FAM20B: variants seen among roughly 807,000 people sequenced by gnomAD.
FAM20B encodes FAM20B glycosaminoglycan xylosylkinase.
Under a neutral mutation model 43.8 loss-of-function variants are expected in FAM20B, and 23 were observed. That is an observed-to-expected ratio of 0.53 (90% CI 0.38 to 0.74). The LOEUF is 0.74. FAM20B is among the 30% of genes least tolerant of loss of function. FAM20B has a pLI of 0.00. For synonymous variants in FAM20B, 178 were observed against 192.4 expected, an observed-to-expected ratio of 0.93 and a Z score of 0.62; for missense variants, 440 against 510.5, an observed-to-expected ratio of 0.86 and a Z score of 1.33.
At chr1:179,045,313 T>C (rs1266328490) in intron 2 of FAM20B, among the ~76,000 whole-genome samples, 1 of 152,242 alleles carries the variant, frequency 6.6e-6, no homozygotes, top group Non-Finnish European at 1.5e-5. Flanking sequence ...TCAAAGTTTG[T>C]AATGTCTGAA....
intron 2 of FAM20B, among the ~76,000 whole-genome samples, chr1:179,046,773 C>T (rs1467727670): frequency 1.3e-5 from 2 of 150,192 alleles, no homozygotes; most frequent in Non-Finnish European, 3.0e-5. Flanking sequence ...GAGGCCGAGG[C>T]GGGCGGATCA....
intron 1 of FAM20B, among the ~76,000 whole-genome samples, chr1:179,032,451 G>C (rs148065214): frequency 6.6e-6 from 1 of 151,312 alleles, no homozygotes; most frequent in African/African-American, 2.4e-5. Context: ...AACCCTGTGA[G>C]TTAGGTAATA....
chr1:179,065,824 T>G (rs1412481249), intron 6 of FAM20B, among the ~76,000 whole-genome samples: 1 of 152,206 alleles, frequency 6.6e-6, no homozygotes, highest in Middle Eastern at 3.2e-3. Context: ...GCATCAGAAA[T>G]GTATTGCTTA....
chr1:179,027,433 C>A (rs1259473570), intron 1 of FAM20B, among the ~76,000 whole-genome samples: 1 of 152,166 alleles, frequency 6.6e-6, no homozygotes, highest in African/African-American at 2.4e-5. Context: ...GGTAAAGATG[C>A]TAAATTATTT....
chr1:179,040,614 G>T (rs1441640008), intron 1 of FAM20B, among the ~76,000 whole-genome samples: 1 of 139,882 alleles, frequency 7.1e-6, no homozygotes, highest in East Asian at 2.1e-4. Context: ...AGGGGCGGCC[G>T]GGCAGAGGCG....
At position 179,064,340 on chromosome 1, in the gene FAM20B, A is replaced by G; in HGVS notation, c.782A>G (p.Lys261Arg). ...GATGAGAGCTACTGTGATGCTGTGA[A>G]GAAAACGTCCCCTTATGACTCTGGC... ...EYDESYCDAV[K>R]KTSPYDSGPR... is the part of the protein sequence containing the mutation. The change falls in exon 6 of 8, where the codon AAG becomes AGG. Residue 261 changes from lysine (K) to arginine (R), a missense_variant. Transcript: ENST00000263733. 1 of 1,613,176 alleles carries G rather than the reference A, an allele frequency of 6.2e-7. No homozygotes were observed. The highest frequency in any genetic ancestry group is 8.5e-7 in the Non-Finnish European group (1 of 1,179,324).
intron 4 of FAM20B, among the ~76,000 whole-genome samples, chr1:179,059,907 G>A (rs1204507963): frequency 2.0e-5 from 3 of 151,782 alleles, no homozygotes; most frequent in African/African-American, 4.8e-5. Context: ...GGGAAGTGGA[G>A]GTTGCAGTGA....
At chr1:179,047,519 C>G (rs947982728) in intron 2 of FAM20B, among the ~76,000 whole-genome samples, 1 of 152,074 alleles carries the variant, frequency 6.6e-6, no homozygotes, top group African/African-American at 2.4e-5. Context: ...CCCGCATCAT[C>G]TCCTAAACAG....
chr1:179,075,532 G>A lies in FAM20B; in HGVS notation c.*3388G>A, dbSNP rs1295182469. The A allele has an allele frequency of 1.3e-5, 2 of 152,558 alleles. No individual in the cohort carries two copies. The highest frequency in any genetic ancestry group is 2.1e-4 in the South Asian group (1 of 4,826). The allele number at this position is 152,558 out of a possible 1,614,324, so 9.5% of individuals were successfully genotyped here. A position where few individuals can be genotyped will look rare whatever the true frequency, so the allele number is the denominator to read the frequency against. ...TTGGGGGAAATGTAAATAATTTTCTGTGTAAAACAAATTCATAGGATCTGA... is the reference window on the plus strand; with the variant it reads ...TTGGGGGAAATGTAAATAATTTTCTATGTAAAACAAATTCATAGGATCTGA... On this transcript the variant is annotated 3_prime_UTR_variant, in exon 8 of 8. Coordinates refer to ENST00000263733, the MANE Select transcript of FAM20B (RefSeq NM_014864.4).
At chr1:179,036,763 A>C (rs764937801) in intron 1 of FAM20B, among the ~76,000 whole-genome samples, 1 of 152,220 alleles carries the variant, frequency 6.6e-6, no homozygotes, top group Non-Finnish European at 1.5e-5. Flanking sequence ...AACCATATGC[A>C]ATAAGGTATT....
Position 179,072,133 on chromosome 1 carries a change from T to C in FAM20B, c.1219T>C (p.Ser407Pro). Residue 407 changes from serine (S) to proline (P), a missense_variant, in exon 8 of 8, where the codon TCA becomes CCA. Ser to Pro is a moderately conservative substitution (Grantham distance 74). Coordinates refer to ENST00000263733, the MANE Select transcript of FAM20B (RefSeq NM_014864.4). ...ACTGGTGGAAGACAGGATGCCTCTC[T>C]CACACTTGTAATTCTCGACACAAAA... ...TVLVEDRMPL[S>P]HL is the part of the protein sequence containing the mutation. The C allele has an allele frequency of 6.2e-7, 1 of 1,610,460 alleles. No individual in the cohort carries two copies.
the FAM20B span, among the ~76,000 whole-genome samples, chr1:179,020,381 A>T: frequency 6.6e-6 from 1 of 152,206 alleles, no homozygotes; most frequent in African/African-American, 2.4e-5. Context: ...ACCAAGGGGC[A>T]GCATCTGGAC....
rs1184207157 is a variant in FAM20B, at chr1:179,075,459, A to T, written c.*3315A>T. 1 of 152,598 alleles carries T rather than the reference A, an allele frequency of 6.6e-6. No individual in the cohort carries two copies. The highest frequency in any genetic ancestry group is 6.5e-5 in the Admixed American group (1 of 15,276). The allele number at this position is 152,598 out of a possible 1,614,324, so 9.5% of individuals were successfully genotyped here. A position where few individuals can be genotyped will look rare whatever the true frequency, so the allele number is the denominator to read the frequency against. ...GTTCGAATGGATAAATTTGAGTATA[A>T]AGGTTTTGTTATAAAACTGTTCTTT... On this transcript the variant is annotated 3_prime_UTR_variant, in exon 8 of 8. Transcript: ENST00000263733.
chr1:179,059,700 G>A (rs61823793), intron 4 of FAM20B, among the ~76,000 whole-genome samples: 8,378 of 152,208 alleles, frequency 0.055, 251 homozygotes, highest in Middle Eastern at 0.095. Context: ...GGCCAGGTGC[G>A]GTGGCTGACG....
intron 1 of FAM20B, among the ~76,000 whole-genome samples, chr1:179,040,642 G>A (rs1392705030): frequency 1.5e-5 from 2 of 137,546 alleles, no homozygotes; most frequent in Admixed American, 1.4e-4. Flanking sequence ...CCTCCCGGAC[G>A]GGGCGGCTGG....
Position 179,076,009 on chromosome 1 carries a change from T to C in FAM20B, c.*3865T>C, listed in dbSNP as rs1173923255. On this transcript the variant is annotated 3_prime_UTR_variant, in exon 8 of 8. Transcript: ENST00000263733. ...TATATGTATTCTAGCAAGAAAAACATATTTATTTTGACAAAGGGGAACACT... is the reference window on the plus strand; with the variant it reads ...TATATGTATTCTAGCAAGAAAAACACATTTATTTTGACAAAGGGGAACACT... The C allele has an allele frequency of 6.6e-6, 1 of 152,140 alleles. No homozygotes were observed. Among genetic ancestry groups the C allele is most frequent in the Non-Finnish European group, 1.5e-5 (1 of 68,034 alleles). 9.4% of individuals were successfully genotyped at this position (152,140 alleles called of 1,614,324 possible). A position where few individuals can be genotyped will look rare whatever the true frequency, so the allele number is the denominator to read the frequency against.
chr1:179,075,671 A>C lies in FAM20B; in HGVS notation c.*3527A>C, dbSNP rs1652100485. ...GGAAATGGAAGAATTCAGGTACATT[A>C]ATTGCATATTATTTTGGGAAAGATG... On this transcript the variant is annotated 3_prime_UTR_variant, in exon 8 of 8. Transcript: ENST00000263733. The C allele has an allele frequency of 6.6e-6, 1 of 152,590 alleles. No homozygotes were observed. The highest frequency in any genetic ancestry group is 6.6e-5 in the Admixed American group (1 of 15,264). 9.5% of individuals were successfully genotyped at this position (152,590 alleles called of 1,614,324 possible). A position where few individuals can be genotyped will look rare whatever the true frequency, so the allele number is the denominator to read the frequency against.
chr1:179,040,297 C>T (rs1650432180), intron 1 of FAM20B, among the ~76,000 whole-genome samples: 1 of 152,094 alleles, frequency 6.6e-6, no homozygotes, highest in Non-Finnish European at 1.5e-5. Context: ...CCTCTCTTCC[C>T]AGCAGGGGCA....
At position 179,066,829 on chromosome 1, in the gene FAM20B, G is replaced by T; in HGVS notation, c.968G>T (p.Ser323Ile). The T allele has an allele frequency of 1.9e-6, 3 of 1,613,124 alleles. No individual in the cohort carries two copies. The highest frequency in any genetic ancestry group is 2.5e-6 in the Non-Finnish European group (3 of 1,179,082). Residue 323 changes from serine to isoleucine, a missense_variant, in exon 7 of 8, where the codon AGC becomes ATC. Coordinates refer to ENST00000263733, the MANE Select transcript of FAM20B (RefSeq NM_014864.4). Reference protein sequence around the residue: ...SFGNPSLDERSILAPLYQCCI... With the variant: ...SFGNPSLDERIILAPLYQCCI... ...GGGAACCCCTCGCTGGATGAAAGAA[G>T]CATTCTTGCCCCTCTCTATCAGTGT... is the stretch of plus-strand genomic sequence containing the variant.
Sources: gnomAD v4.1 joint callset for allele counts (sites outside exome capture counted in the v4.1 genomes callset) on GRCh38, gnomAD v4.1.1 for gene constraint, MANE v1.5 for transcripts, NCBI Gene and HGNC (gene_info 2026-07-23, HGNC 2026-07-21) for gene names.